Variants in NXF1 observed in about 807,000 individuals in gnomAD.
NXF1 encodes the protein mRNA export factor TAP.
Under a neutral mutation model 92.4 loss-of-function variants are expected in NXF1, and 43 were observed. That is an observed-to-expected ratio of 0.47 (90% CI 0.36 to 0.60). The LOEUF (loss-of-function observed/expected upper bound fraction) is 0.60. Among genes scored for constraint, NXF1 ranks in the 20% least tolerant of loss-of-function variants. The probability of loss-of-function intolerance (pLI) is 0.00; values close to 1 mark genes in which losing one functional copy is unlikely to be tolerated. For synonymous variants in NXF1, 288 were observed against 292.2 expected (o/e 0.99, Z 0.15); for missense variants, 576 against 793.0 (o/e 0.73, Z 3.29).
In NXF1 at chr11:62,794,982, C is replaced by T. The variant is rs1251851916; in HGVS notation, c.1530G>A (p.Leu510=). 2.5e-6 allele frequency: 4 copies of T among 1,614,162 alleles called. No individual in the cohort carries two copies. The highest frequency in any genetic ancestry group is 3.4e-6 in the Non-Finnish European group (4 of 1,180,008). ...CAATGAATGTCCGGGTGAAGGCTCG[C>T]AAAGAATCCCGGGACTTTCCGTCCA... is the stretch of plus-strand genomic sequence containing the variant. ...KEVDGKSRDS[L]RAFTRTFIAV... is the part of the protein sequence containing the mutation. Residue 510 remains leucine (L), a synonymous_variant, in exon 18 of 21, where the codon TTG becomes TTA. Coordinates refer to ENST00000294172, the MANE Select transcript of NXF1 (RefSeq NM_006362.5).
chr11:62,795,885 C>T lies in NXF1; in HGVS notation c.1504+16G>A, dbSNP rs749315333. The T allele has an allele frequency of 1.9e-6, 3 of 1,612,286 alleles. No homozygotes were observed. The South Asian group carries it at 3.3e-5, about 18-fold the overall frequency. On this transcript the variant is annotated intron_variant, in intron 17 of 20. Transcript: ENST00000294172. ...GTGGGACCACGCTACAAACTCGGGA[C>T]TCTAAAGATTCTTACCTTCCTTGAA...
At position 62,797,306 on chromosome 11, in the gene NXF1, C is replaced by G; in HGVS notation, c.1122+12G>C. 6.2e-7 allele frequency: 1 copy of G among 1,614,156 alleles called. No homozygotes were observed. Among genetic ancestry groups the G allele is most frequent in the Non-Finnish European group, 8.5e-7 (1 of 1,180,022 alleles). On this transcript the variant is annotated intron_variant, in intron 12 of 20. Transcript: ENST00000294172. ...TCCACACACAAGTTCTTACTCTGTC[C>G]ATGCTTCCTACCTTGCAGGGCGGTA...
chr11:62,797,439 C>T, intron 11 of NXF1, 53 bp from the exon 12 acceptor site: 1 of 1,506,160 alleles, frequency 6.6e-7, no homozygotes, highest in Non-Finnish European at 9.1e-7. Context: ...GTGGCTCACA[C>T]CTGTGATCCC....
chr11:62,799,110 T>C, intron 10 of NXF1: 6 of 983,864 alleles, frequency 6.1e-6, no homozygotes, highest in Non-Finnish European at 7.2e-6. Context: ...AAAGGCAAGA[T>C]GGGGCAGGGG....
intron 19 of NXF1, among the ~76,000 whole-genome samples, chr11:62,793,111 GCT>G (rs1287031253): frequency 1.2e-4 from 17 of 144,512 alleles, no homozygotes; most frequent in Admixed American, 3.5e-4. Flanking sequence ...ACCGAGTCTT[GCT>G]CTGTCACCAG....
chr11:62,803,179 C>A (rs148018473), intron 3 of NXF1, among the ~76,000 whole-genome samples: 1 of 151,946 alleles, frequency 6.6e-6, no homozygotes, highest in Non-Finnish European at 1.5e-5. Flanking sequence ...ATTAGCCGGG[C>A]GTGGTGGTGG....
intron 13 of NXF1, 135 bp from the exon 14 acceptor site, chr11:62,796,702 T>C: frequency 1.5e-6 from 1 of 645,422 alleles, no homozygotes. Flanking sequence ...GAGGCTGAGA[T>C]GGGTGAATAG....
At chr11:62,796,631 G>T in intron 13 of NXF1, 64 bp from the exon 14 acceptor site, 1 of 1,090,474 alleles carries the variant, frequency 9.2e-7, no homozygotes, top group Non-Finnish European at 1.4e-6. Context: ...GGACCCAGTA[G>T]CTCCCAAGAG....
chr11:62,802,011 A>G lies in NXF1; in HGVS notation c.489T>C (p.Val163=), dbSNP rs761309362. ...HYENTRAQFF[V]EDASTASALK... is the part of the protein sequence containing the mutation. The stretch of plus-strand genomic sequence containing the variant: ...ATGCAGAGGCAGTACTGGCGTCTTC[A>G]ACGAAGAACTGGGCCCGTGTATTCT... The change falls in exon 5 of 21, where the codon GTT becomes GTC. Residue 163 remains valine, a synonymous_variant. Coordinates refer to ENST00000294172, the MANE Select transcript of NXF1 (RefSeq NM_006362.5). 14 of 1,614,128 alleles carry G rather than the reference A, an allele frequency of 8.7e-6. No homozygotes were observed. The highest frequency in any genetic ancestry group is 1.2e-5 in the Non-Finnish European group (14 of 1,180,050).
rs1030692560 is a variant in NXF1 at position 62,795,201 on chromosome 11, G to C, written c.1505-194C>G. 10 of 554,516 alleles carry C rather than the reference G, an allele frequency of 1.8e-5. No individual in the cohort carries two copies. The African/African-American group carries it at 1.9e-4, about 10-fold the overall frequency. The allele number at this position is 554,516 out of a possible 1,614,324, so 34.3% of individuals were successfully genotyped here. On this transcript the variant is annotated intron_variant, in intron 17 of 20. Transcript: ENST00000294172. ...AGGACAATAGTAATAACTACGGCCG[G>C]GCACAGTGTCTCATGCGTATAATCC...
chr11:62,801,445 G>A (rs761895791), intron 7 of NXF1, 28 bp from the exon 8 acceptor site: 9 of 1,612,664 alleles, frequency 5.6e-6, no homozygotes, highest in Admixed American at 1.7e-5. Context: ...GAAGGAAAGG[G>A]AAGACTGAGA....
chr11:62,803,373 T>A, intron 3 of NXF1, 46 bp downstream of exon 3: 3 of 1,492,642 alleles, frequency 2.0e-6, no homozygotes, highest in Non-Finnish European at 2.8e-6. Context: ...ACTCTCAGCG[T>A]GGCCTCCTAT....
rs1403038627 is a variant in NXF1, at chr11:62,803,978, T to C, written c.29A>G (p.Glu10Gly). 6.2e-7 allele frequency: 1 copy of C among 1,612,652 alleles called. No homozygotes were observed. The highest frequency in any genetic ancestry group is 1.1e-5 in the South Asian group (1 of 90,964). ...GAAATTAACGCGTTCATCATCGTGT[T>C]CTAGAGTTAGAAACAGGAACACAAA... MADEGKSYS[E>G]HDDERVNFPQ... Residue 10 changes from glutamate to glycine, a missense_variant and splice_region_variant, in exon 2 of 21, where the codon GAA becomes GGA. Physicochemically the swap from Glu to Gly is moderately conservative, Grantham distance 98 (BLOSUM62 -2). Around this residue, in one of 2 missense-constraint regions of NXF1, gnomAD observed 151 missense variants for 157.8 expected, o/e 0.96. Coordinates refer to ENST00000294172, the MANE Select transcript of NXF1 (RefSeq NM_006362.5).
chr11:62,800,710 C>T (rs2084469609), intron 9 of NXF1, among the ~76,000 whole-genome samples: 1 of 151,864 alleles, frequency 6.6e-6, no homozygotes, highest in South Asian at 2.1e-4. Context: ...TCAAGAGATC[C>T]TCCCACCTCA....
intron 11 of NXF1, 88 bp downstream of exon 11, chr11:62,798,446 AAAAAG>A: frequency 1.9e-5 from 29 of 1,532,452 alleles, no homozygotes; most frequent in Admixed American, 4.6e-5. Flanking sequence ...TAAAAAAAAA[AAAAAG>A]AAAAAGAAAA....
chr11:62,801,927 G>A lies in NXF1; in HGVS notation c.558+15C>T, dbSNP rs752229175. 2 of 1,612,444 alleles carry A rather than the reference G, an allele frequency of 1.2e-6. No homozygotes were observed. Among genetic ancestry groups the A allele is most frequent in the Admixed American group, 1.7e-5 (1 of 60,002 alleles). On this transcript the variant is annotated intron_variant, in intron 5 of 20. Transcript: ENST00000294172. Reference sequence around the variant, plus strand: ...CAACCTCCACCTCCAGCCAAGCCAGGCCCTTTAAACACACCCTTCGGTTCT... The same window carrying A: ...CAACCTCCACCTCCAGCCAAGCCAGACCCTTTAAACACACCCTTCGGTTCT...
At chr11:62,799,637 C>T (rs1315418731) in intron 10 of NXF1, 7 of 985,598 alleles carry the variant, frequency 7.1e-6, no homozygotes, top group African/African-American at 5.2e-5. Flanking sequence ...GGAGAGGCAG[C>T]GCCCCCGAGG....
At chr11:62,795,712 C>T (rs2084412753) in intron 17 of NXF1, among the ~76,000 whole-genome samples, 189 bp downstream of exon 17, 1 of 152,168 alleles carries the variant, frequency 6.6e-6, no homozygotes, top group Non-Finnish European at 1.5e-5. Context: ...TCCTAATCCC[C>T]AGGCTTTTCC....
At chr11:62,798,496 G>T in intron 11 of NXF1, 43 bp downstream of exon 11, 2 of 1,606,006 alleles carry the variant, frequency 1.2e-6, no homozygotes, top group Non-Finnish European at 1.7e-6. Flanking sequence ...CCTTGTGAGT[G>T]AGAGATGCTG....
Sources: gnomAD v4.1 joint callset for allele counts (sites outside exome capture counted in the v4.1 genomes callset) on GRCh38, gnomAD v4.1.1 for gene constraint, gnomAD v4.1.1 regional missense constraint, MANE v1.5 for transcripts, NCBI Gene and HGNC (gene_info 2026-07-23, HGNC 2026-07-21) for gene names.